TENM3: variants seen among roughly 807,000 people sequenced by gnomAD.
TENM3 encodes teneurin transmembrane protein 3.
In TENM3, 63 loss-of-function variants were observed where a neutral mutation model predicts 255.1. The observed-to-expected ratio is 0.25, with a 90% CI of 0.20 to 0.30. The LOEUF is 0.30. TENM3 is among the 10% of genes least tolerant of loss of function. The pLI is 1.00. For synonymous variants in TENM3, 1,306 were observed against 1,322.3 expected (o/e 0.99, Z 0.27); for missense variants, 2,929 against 3,461.1 (o/e 0.85, Z 3.86).
chr4:181,537,122 T>A, the TENM3 span, among the ~76,000 whole-genome samples: 1 of 150,956 alleles, frequency 6.6e-6, no homozygotes, highest in South Asian at 2.1e-4. Flanking sequence ...CACCCTCCTT[T>A]AAAAAAAAAG....
chr4:181,652,050 A>C, the TENM3 span, among the ~76,000 whole-genome samples: 1 of 150,108 alleles, frequency 6.7e-6, no homozygotes, highest in Admixed American at 6.7e-5. Flanking sequence ...TAAAATCATT[A>C]TTTAGCATGC....
chr4:182,156,381 A>G (rs1202565580), intron 1 of TENM3, among the ~76,000 whole-genome samples: 1 of 151,884 alleles, frequency 6.6e-6, no homozygotes, highest in African/African-American at 2.4e-5. Flanking sequence ...TTTTAGATTC[A>G]GGGGTGCACA....
chr4:182,696,094 G>A (rs562984796), intron 12 of TENM3, among the ~76,000 whole-genome samples: 45 of 151,992 alleles, frequency 3.0e-4, no homozygotes, highest in Non-Finnish European at 6.5e-4. Context: ...CTACTCTACA[G>A]ACATCACAAC....
At chr4:182,195,800 A>G (rs1305932381) in intron 1 of TENM3, among the ~76,000 whole-genome samples, 1 of 152,218 alleles carries the variant, frequency 6.6e-6, no homozygotes, top group Non-Finnish European at 1.5e-5. Flanking sequence ...TGTACTCGTT[A>G]TAAACATTAA....
At chr4:181,614,184 A>G in the TENM3 span, among the ~76,000 whole-genome samples, 2 of 152,116 alleles carry the variant, frequency 1.3e-5, no homozygotes, top group South Asian at 4.1e-4. Flanking sequence ...TGGTGTCCTC[A>G]AAGATTTTTT....
chr4:181,847,316 G>A, the TENM3 span, among the ~76,000 whole-genome samples: 4 of 152,120 alleles, frequency 2.6e-5, no homozygotes, highest in Admixed American at 2.0e-4. Context: ...TTGCTCTTGA[G>A]GGTCACTATT....
intron 3 of TENM3, among the ~76,000 whole-genome samples, chr4:182,421,363 G>A (rs1362726019): frequency 6.6e-6 from 1 of 152,132 alleles, no homozygotes; most frequent in Non-Finnish European, 1.5e-5. Flanking sequence ...GGCCAAGAGA[G>A]CAATAACCAC....
rs572530565 is a variant in TENM3 at position 182,775,038 on chromosome 4, C to T, written c.5189C>T (p.Thr1730Met). 33 of 1,613,972 alleles carry T rather than the reference C, an allele frequency of 2.0e-5. 1 individual carries two copies. The South Asian group carries it at 2.5e-4, about 12-fold the overall frequency. ...PHVLAGTANP[T>M]VAKRNMTLPG... Reference sequence around the variant, plus strand: ...GTTCTGGCTGGCACCGCTAATCCGACGGTTGCCAAAAGAAACATGACTTTG... The same window carrying T: ...GTTCTGGCTGGCACCGCTAATCCGATGGTTGCCAAAAGAAACATGACTTTG... The change falls in exon 24 of 28, where the codon ACG becomes ATG. Residue 1730 changes from threonine to methionine, a missense_variant. Around this residue, in one of 6 missense-constraint regions of TENM3, gnomAD observed 303 missense variants for 425.2 expected, o/e 0.71. Coordinates refer to ENST00000511685, the MANE Select transcript of TENM3 (RefSeq NM_001080477.4).
chr4:181,675,636 GA>G, the TENM3 span, among the ~76,000 whole-genome samples: 1 of 152,110 alleles, frequency 6.6e-6, no homozygotes, highest in African/African-American at 2.4e-5. Flanking sequence ...CTAGGTCCTC[GA>G]AAGGTCATCA....
At chr4:182,287,825 G>A (rs780083161) in intron 1 of TENM3, among the ~76,000 whole-genome samples, 3 of 151,812 alleles carry the variant, frequency 2.0e-5, no homozygotes, top group Admixed American at 6.6e-5. Context: ...CACCATATTG[G>A]CCAGGCTGGT....
chr4:181,748,287 T>G, the TENM3 span, among the ~76,000 whole-genome samples: 12 of 152,122 alleles, frequency 7.9e-5, no homozygotes, highest in Non-Finnish European at 1.8e-4. Flanking sequence ...GGTTTGATCA[T>G]GTACTTATTC....
At chr4:181,656,250 A>G in the TENM3 span, among the ~76,000 whole-genome samples, 626 of 152,260 alleles carry the variant, frequency 4.1e-3, 5 homozygotes, top group African/African-American at 0.014. Context: ...AAGACCCCAC[A>G]ATGTAGAAAG....
the TENM3 span, among the ~76,000 whole-genome samples, chr4:181,910,902 C>A: frequency 6.6e-6 from 1 of 152,100 alleles, no homozygotes; most frequent in African/African-American, 2.4e-5. Flanking sequence ...TCCATTCTAG[C>A]TCCCTTTTCA....
chr4:182,708,936 T>C (rs1450043383), intron 12 of TENM3, among the ~76,000 whole-genome samples: 1 of 152,206 alleles, frequency 6.6e-6, no homozygotes, highest in Admixed American at 6.5e-5. Flanking sequence ...GGAAAGTATT[T>C]TATGACTGCA....
chr4:182,393,297 T>C (rs956686026), intron 3 of TENM3, among the ~76,000 whole-genome samples: 3 of 152,154 alleles, frequency 2.0e-5, no homozygotes, highest in African/African-American at 4.8e-5. Context: ...GATGGATTAA[T>C]AGTAGTTAAA....
At chr4:181,896,413 A>T in the TENM3 span, among the ~76,000 whole-genome samples, 4 of 152,312 alleles carry the variant, frequency 2.6e-5, no homozygotes, top group East Asian at 5.8e-4. Flanking sequence ...CATACAAAGG[A>T]TTTTTAAAAG....
In TENM3 at chr4:182,473,090, T is replaced by A. The variant is rs1485152016; in HGVS notation, c.511+126161T>A. 2.6e-5 allele frequency among the ~76,000 whole-genome samples: 4 copies of A among 152,220 alleles called. No individual in the cohort carries two copies. In the East Asian group the frequency reaches 7.7e-4, roughly 29 times the overall value. Reference sequence around the variant, plus strand: ...TCAACACTAGAATATTTTACATTATTTCTTCTCTTTGAAATTTGTATTTTC... The same window carrying A: ...TCAACACTAGAATATTTTACATTATATCTTCTCTTTGAAATTTGTATTTTC... On this transcript the variant is annotated intron_variant, in intron 3 of 27. Transcript: ENST00000511685.
At chr4:182,010,569 G>A in the TENM3 span, among the ~76,000 whole-genome samples, 12 of 152,104 alleles carry the variant, frequency 7.9e-5, 1 homozygote, top group East Asian at 3.9e-4. Context: ...AATGGGATTC[G>A]TATGGATTAT....
intron 4 of TENM3, among the ~76,000 whole-genome samples, chr4:182,607,431 G>A (rs1353261568): frequency 1.3e-5 from 2 of 151,968 alleles, no homozygotes; most frequent in Non-Finnish European, 2.9e-5. Context: ...TGTTAATTTT[G>A]TTCTTGAGAA....
Sources: gnomAD v4.1 joint callset for allele counts (sites outside exome capture counted in the v4.1 genomes callset) on GRCh38, gnomAD v4.1.1 for gene constraint, gnomAD v4.1.1 regional missense constraint, MANE v1.5 for transcripts, NCBI Gene and HGNC (gene_info 2026-07-23, HGNC 2026-07-21) for gene names.